TNR: variants seen among roughly 807,000 people sequenced by gnomAD.
TNR encodes the protein tenascin-R.
Under a neutral mutation model 150.4 loss-of-function variants are expected in TNR, and 45 were observed. The observed-to-expected ratio is 0.30, with a 90% confidence interval of 0.24 to 0.38. The LOEUF (loss-of-function observed/expected upper bound fraction) is 0.38. TNR is among the 10% of genes least tolerant of loss of function. The pLI, the probability that TNR is intolerant of heterozygous loss-of-function variation, is 1.00. For synonymous variants in TNR, 687 were observed against 678.4 expected, an observed-to-expected ratio of 1.01 and a Z score of -0.20; for missense variants, 1,544 against 1,759.1, an observed-to-expected ratio of 0.88 and a Z score of 2.19.
chr1:175,715,806 C>T (rs1333199977), intron 1 of TNR, among the ~76,000 whole-genome samples: 1 of 152,174 alleles, frequency 6.6e-6, no homozygotes, highest in East Asian at 1.9e-4. Context: ...GGGGCTTATT[C>T]CTCCTTCCTG....
chr1:175,553,203 G>A (rs1336990580), intron 1 of TNR, among the ~76,000 whole-genome samples: 1 of 152,174 alleles, frequency 6.6e-6, no homozygotes, highest in Non-Finnish European at 1.5e-5. Context: ...TGGTGGGGAT[G>A]AAACACACTG....
intron 10 of TNR, among the ~76,000 whole-genome samples, 195 bp downstream of exon 10, chr1:175,367,013 G>A (rs1247503049): frequency 1.3e-5 from 2 of 152,172 alleles, no homozygotes; most frequent in East Asian, 1.9e-4. Flanking sequence ...TGGGGAAGAG[G>A]GTGACTCTGT....
intron 2 of TNR, among the ~76,000 whole-genome samples, chr1:175,451,599 A>G (rs1656323868): frequency 6.6e-6 from 1 of 152,126 alleles, no homozygotes; most frequent in Non-Finnish European, 1.5e-5. Context: ...TTGGGGAGAC[A>G]CTTTTGGATA....
chr1:175,513,156 G>T (rs928967986), intron 2 of TNR, among the ~76,000 whole-genome samples: 1 of 152,148 alleles, frequency 6.6e-6, no homozygotes, highest in Non-Finnish European at 1.5e-5. Context: ...CTTGTAATGG[G>T]ATTCCTGCTG....
intron 9 of TNR, among the ~76,000 whole-genome samples, chr1:175,367,735 C>T (rs1221381563): frequency 6.6e-6 from 1 of 152,128 alleles, no homozygotes; most frequent in Non-Finnish European, 1.5e-5. Flanking sequence ...ATACAAGGAC[C>T]AAGCTACACC....
At chr1:175,722,952 G>T (rs1040421053) in intron 1 of TNR, among the ~76,000 whole-genome samples, 2 of 151,842 alleles carry the variant, frequency 1.3e-5, no homozygotes, top group African/African-American at 2.4e-5. Flanking sequence ...CCACCATGAT[G>T]GGTTAATTTT....
intron 2 of TNR, among the ~76,000 whole-genome samples, chr1:175,508,302 G>T (rs1659036889): frequency 6.6e-6 from 1 of 152,130 alleles, no homozygotes; most frequent in African/African-American, 2.4e-5. Flanking sequence ...AATAGACTGT[G>T]TATCTTTAAG....
At chr1:175,593,090 A>G (rs926094110) in intron 1 of TNR, among the ~76,000 whole-genome samples, 1 of 152,164 alleles carries the variant, frequency 6.6e-6, no homozygotes, top group South Asian at 2.1e-4. Flanking sequence ...AATCTCTTCC[A>G]AAGAGAATCA....
rs1322331480 is a variant in TNR at position 175,599,521 on chromosome 1, C to T, written c.-164-71152G>A. Among the ~76,000 whole-genome samples, 2 of 152,352 alleles carry T rather than the reference C, an allele frequency of 1.3e-5. No individual in the cohort carries two copies. The highest frequency in any genetic ancestry group is 1.9e-4 in the East Asian group (1 of 5,178). ...GGAGTAATTCGCAGATGCCACCGAG[C>T]GGTGGGGCGGCGCGGTTAATGGGGT... On this transcript the variant is annotated intron_variant, in intron 1 of 22. Transcript: ENST00000367674. The surrounding 1 kb of genome is among the most constrained non-coding windows in gnomAD (Gnocchi z 4.7).
intron 1 of TNR, among the ~76,000 whole-genome samples, chr1:175,595,179 T>A (rs145639887): frequency 6.6e-6 from 1 of 152,012 alleles, no homozygotes; most frequent in Admixed American, 6.6e-5. Context: ...AAAAAAATTA[T>A]TTTAGGATAG....
intron 2 of TNR, among the ~76,000 whole-genome samples, chr1:175,513,270 C>G (rs1201229518): frequency 6.6e-6 from 1 of 152,184 alleles, no homozygotes; most frequent in African/African-American, 2.4e-5. Context: ...CTGATGTTTC[C>G]TCCCATATGG....
intron 1 of TNR, among the ~76,000 whole-genome samples, chr1:175,546,107 G>A (rs909010039): frequency 3.3e-5 from 5 of 152,170 alleles, no homozygotes; most frequent in Non-Finnish European, 5.9e-5. Context: ...AGAAATAAAT[G>A]AAGAGGCGAA....
intron 1 of TNR, among the ~76,000 whole-genome samples, chr1:175,668,402 T>C (rs1571732986): frequency 2.6e-5 from 4 of 152,268 alleles, no homozygotes; most frequent in Admixed American, 2.6e-4. Flanking sequence ...TGCCAACTGC[T>C]GTGTCCCTGC....
chr1:175,569,759 C>T (rs1396863863), intron 1 of TNR, among the ~76,000 whole-genome samples: 2 of 152,226 alleles, frequency 1.3e-5, no homozygotes, highest in Non-Finnish European at 2.9e-5. Flanking sequence ...AAGAGCTTTA[C>T]ACTTTGCTAA....
intron 4 of TNR, among the ~76,000 whole-genome samples, chr1:175,402,824 T>C (rs913622676): frequency 9.2e-5 from 14 of 152,278 alleles, no homozygotes; most frequent in Middle Eastern, 3.4e-3. Context: ...CTTCACTGTC[T>C]ACCCTCCCCC....
intron 2 of TNR, among the ~76,000 whole-genome samples, chr1:175,422,803 A>G (rs1654813418): frequency 6.6e-6 from 1 of 152,206 alleles, no homozygotes; most frequent in African/African-American, 2.4e-5. Context: ...GGTTTCCTGG[A>G]TTACACAGGC....
intron 2 of TNR, among the ~76,000 whole-genome samples, chr1:175,474,564 CA>C (rs1322933237): frequency 6.6e-6 from 1 of 152,210 alleles, no homozygotes; most frequent in Non-Finnish European, 1.5e-5. Flanking sequence ...CACAAGATCT[CA>C]AGCTTGAGAT....
At chr1:175,428,525 C>G (rs183640700) in intron 2 of TNR, among the ~76,000 whole-genome samples, 1 of 152,064 alleles carries the variant, frequency 6.6e-6, no homozygotes, top group East Asian at 1.9e-4. Context: ...CCCTGGAAGT[C>G]GAAGTTATTA....
At position 175,436,950 on chromosome 1, in the gene TNR, T is replaced by C. The variant is rs558490472; in HGVS notation, c.-63-30173A>G. 2.1e-4 allele frequency among the ~76,000 whole-genome samples: 32 copies of C among 152,238 alleles called. 1 individual carries two copies. In the South Asian group the frequency reaches 4.4e-3, roughly 21 times the overall value. On this transcript the variant is annotated intron_variant, in intron 2 of 22. Coordinates refer to ENST00000367674, the MANE Select transcript of TNR (RefSeq NM_003285.3). ...AATAATGGGAGACTTTAACACCCCA[T>C]TGTCAACATTAGACAGATCAACGAG...
Sources: gnomAD v4.1 joint callset for allele counts (sites outside exome capture counted in the v4.1 genomes callset) on GRCh38, gnomAD v4.1.1 for gene constraint, Gnocchi (gnomAD v3.1) non-coding constraint, MANE v1.5 for transcripts, NCBI Gene and HGNC (gene_info 2026-07-23, HGNC 2026-07-21) for gene names.